Variants in WDPCP observed in about 807,000 individuals in gnomAD.
WDPCP encodes WD repeat containing planar cell polarity effector.
A neutral mutation model predicts 93.1 loss-of-function variants in WDPCP; 71 were observed. That is an observed-to-expected ratio of 0.76 (90% CI 0.63 to 0.93). The LOEUF is 0.93. WDPCP is among the 40% of genes least tolerant of loss of function. WDPCP has a pLI of 0.00. For missense variants in WDPCP, 844 were observed against 887.4 expected (o/e 0.95, Z 0.62); for synonymous variants, 315 against 315.0 (o/e 1.00, Z 0.00).
intron 12 of WDPCP, among the ~76,000 whole-genome samples, chr2:63,365,369 T>A (rs1430086173): frequency 6.6e-6 from 1 of 152,176 alleles, no homozygotes; most frequent in Non-Finnish European, 1.5e-5. Flanking sequence ...AAAATCGTAA[T>A]AATATTCAGT....
chr2:63,685,126 A>C (rs1009721985), intron 2 of WDPCP, among the ~76,000 whole-genome samples: 1 of 152,220 alleles, frequency 6.6e-6, no homozygotes, highest in Admixed American at 6.5e-5. Flanking sequence ...CCATAGAAAT[A>C]AATGAAATGA....
chr2:63,137,880 T>C (rs1670741326), intron 17 of WDPCP, among the ~76,000 whole-genome samples: 1 of 152,180 alleles, frequency 6.6e-6, no homozygotes, highest in Admixed American at 6.6e-5. Flanking sequence ...TGCAGTCTTA[T>C]TTCTGCATTC....
chr2:63,717,243 G>T, intron 2 of WDPCP: 1 of 534,442 alleles, frequency 1.9e-6, no homozygotes, highest in Non-Finnish European at 3.7e-6. Context: ...TGGCTGACCT[G>T]ATGCGTAAGA....
chr2:63,313,452 A>G (rs1352278426), intron 12 of WDPCP, 141 bp from the exon 13 acceptor site: 3 of 849,180 alleles, frequency 3.5e-6, no homozygotes, highest in African/African-American at 1.7e-5. Context: ...GATTTGGCCT[A>G]CTAGGATCTT....
intron 9 of WDPCP, among the ~76,000 whole-genome samples, chr2:63,419,762 C>T (rs958436447): frequency 2.6e-5 from 4 of 152,094 alleles, no homozygotes; most frequent in Admixed American, 6.5e-5. Context: ...TATTATAATC[C>T]TTTTAAGGTC....
intron 13 of WDPCP, among the ~76,000 whole-genome samples, chr2:63,290,872 T>G (rs1467240230): frequency 6.6e-6 from 1 of 152,180 alleles, no homozygotes; most frequent in Non-Finnish European, 1.5e-5. Flanking sequence ...CTCTCATCAC[T>G]AGTTTTCAGT....
chr2:63,493,961 G>A (rs534366066), intron 1 of WDPCP, among the ~76,000 whole-genome samples: 29 of 152,200 alleles, frequency 1.9e-4, no homozygotes, highest in South Asian at 4.2e-4. Context: ...TTTAACATTA[G>A]GAGTGACTAA....
At chr2:63,350,956 T>G (rs1454849143) in intron 12 of WDPCP, among the ~76,000 whole-genome samples, 1 of 143,420 alleles carries the variant, frequency 7.0e-6, no homozygotes, top group Non-Finnish European at 1.5e-5. Flanking sequence ...GTCTCTAATT[T>G]TATTAAATAT....
At chr2:63,504,816 C>A (rs1199097640) in intron 1 of WDPCP, among the ~76,000 whole-genome samples, 4 of 151,984 alleles carry the variant, frequency 2.6e-5, no homozygotes, top group Non-Finnish European at 5.9e-5. Context: ...ATTAGTATAT[C>A]AATAGTTTAT....
chr2:63,554,483 C>T (rs977223288), intron 1 of WDPCP, among the ~76,000 whole-genome samples: 1 of 152,020 alleles, frequency 6.6e-6, no homozygotes, highest in Non-Finnish European at 1.5e-5. Flanking sequence ...AAAACCCCAT[C>T]TCTATTAAAA....
chr2:63,768,004 A>C (rs928971751), intron 2 of WDPCP, among the ~76,000 whole-genome samples: 6 of 151,268 alleles, frequency 4.0e-5, no homozygotes, highest in African/African-American at 1.5e-4. Flanking sequence ...TAACAACAAC[A>C]ACCAAAAAGA....
chr2:63,457,677 C>G (rs1490998196), intron 6 of WDPCP, among the ~76,000 whole-genome samples: 3 of 152,080 alleles, frequency 2.0e-5, no homozygotes, highest in Non-Finnish European at 4.4e-5. Flanking sequence ...CATGATACAT[C>G]ACATCAACAG....
chr2:63,706,985 C>G (rs375575765), intron 2 of WDPCP, among the ~76,000 whole-genome samples: 1 of 152,268 alleles, frequency 6.6e-6, no homozygotes, highest in East Asian at 1.9e-4. Flanking sequence ...AGAGTTTCTG[C>G]CGAGAGATCA....
At chr2:63,593,616 T>C (rs1048235008), upstream of WDPCP, 2 of 471,686 alleles carry the variant, frequency 4.2e-6, no homozygotes, top group Non-Finnish European at 4.4e-6. Flanking sequence ...CAGTGGACCA[T>C]TTCTCCATGC....
rs370829038 is a variant in WDPCP, at chr2:63,338,570, ATATATATATATATAT to A, written c.1749-25274_1749-25260del. ...TCCATCTAAAAAAAAAAAAAAAAAA[ATATATATATATATAT>A]ATATATATATATATATATATATATA... is the stretch of plus-strand genomic sequence containing the variant. On this transcript the variant is annotated intron_variant, in intron 12 of 17. Coordinates refer to ENST00000272321, the MANE Select transcript of WDPCP (RefSeq NM_015910.7). Among the ~76,000 whole-genome samples the A allele has an allele frequency of 5.6e-4, 3 of 5,318 alleles. 1 individual carries two copies. Among genetic ancestry groups the A allele is most frequent in the African/African-American group, 4.1e-3 (2 of 492 alleles). 3.5% of individuals were successfully genotyped at this position (5,318 alleles called of 152,430 possible).
intron 2 of WDPCP, among the ~76,000 whole-genome samples, chr2:63,662,292 G>C (rs1238094910): frequency 6.6e-6 from 1 of 152,074 alleles, no homozygotes; most frequent in Non-Finnish European, 1.5e-5. Flanking sequence ...ATCTGTAAAT[G>C]GTGATAATAG....
chr2:63,741,014 T>C (rs565653045), intron 2 of WDPCP, among the ~76,000 whole-genome samples: 9 of 152,164 alleles, frequency 5.9e-5, no homozygotes, highest in Non-Finnish European at 1.3e-4. Flanking sequence ...TTGGTATTAA[T>C]CAAAATTGTG....
intron 1 of WDPCP, among the ~76,000 whole-genome samples, chr2:63,546,398 C>G (rs1300245823): frequency 1.3e-5 from 2 of 152,242 alleles, no homozygotes; most frequent in East Asian, 3.9e-4. Context: ...CCAATTCTAA[C>G]AACAAGTTTG....
chr2:63,665,584 G>A (rs1395968485), intron 2 of WDPCP, among the ~76,000 whole-genome samples: 1 of 152,232 alleles, frequency 6.6e-6, no homozygotes, highest in Non-Finnish European at 1.5e-5. Context: ...TTCAACATGT[G>A]AATTTTGGAG....
Sources: allele counts gnomAD v4.1 joint callset (sites outside exome capture counted in the v4.1 genomes callset), GRCh38; gene constraint gnomAD v4.1.1; transcripts MANE v1.5; gene names NCBI Gene and HGNC (gene_info 2026-07-23, HGNC 2026-07-21).